The following BICDL1 variants were observed in gnomAD, a reference collection of about 807,000 sequenced individuals.
BICDL1 encodes the protein BICD family like cargo adaptor 1, also known as BICD family-like cargo adapter 1.
A neutral mutation model predicts 76.8 loss-of-function variants in BICDL1; 20 were observed. The ratio of observed to expected loss-of-function variants is 0.26; its 90% confidence interval spans 0.18 to 0.38. The LOEUF (loss-of-function observed/expected upper bound fraction) is 0.38. BICDL1 is among the 10% of genes least tolerant of loss of function. The pLI is 1.00. For missense variants in BICDL1, 700 were observed against 798.6 expected (o/e 0.88, Z 1.49); for synonymous variants, 383 against 337.1 (o/e 1.14, Z -1.49).
At chr12:120,090,758 T>G in intron 9 of BICDL1, 3 of 542,140 alleles carry the variant, frequency 5.5e-6, no homozygotes, top group Non-Finnish European at 9.2e-6. Flanking sequence ...GGCAGGTTGT[T>G]GGTGACCATT....
chr12:120,039,637 CAAAAAAAAAAAA>C (rs58284420), intron 2 of BICDL1, among the ~76,000 whole-genome samples: 2 of 54,760 alleles, frequency 3.7e-5, no homozygotes, highest in African/African-American at 7.0e-5. Flanking sequence ...GACTCCGTCT[CAAAAAAAAAAAA>C]AAAAAAAAAA....
intron 3 of BICDL1, among the ~76,000 whole-genome samples, chr12:120,063,462 C>T (rs916544640): frequency 6.6e-6 from 1 of 151,994 alleles, no homozygotes; most frequent in African/African-American, 2.4e-5. Context: ...GATCTGTGCC[C>T]TGTGAGCAGA....
At chr12:120,074,114 C>T (rs1873329963) in intron 6 of BICDL1, among the ~76,000 whole-genome samples, 2 of 151,972 alleles carry the variant, frequency 1.3e-5, no homozygotes, top group Admixed American at 6.6e-5. Context: ...AGGGTTTCAC[C>T]GTGTTAGCCA....
chr12:120,012,754 A>AT (rs1042136248), intron 2 of BICDL1, among the ~76,000 whole-genome samples: 6 of 151,836 alleles, frequency 4.0e-5, no homozygotes, highest in Admixed American at 1.3e-4. Context: ...TCCATTATGT[A>AT]TTTTTTTTCT....
chr12:120,012,025 G>A (rs1337930296), intron 2 of BICDL1, among the ~76,000 whole-genome samples: 1 of 152,220 alleles, frequency 6.6e-6, no homozygotes, highest in Non-Finnish European at 1.5e-5. Context: ...AAGAAAATTA[G>A]TAGAGAGATA....
intron 2 of BICDL1, among the ~76,000 whole-genome samples, chr12:120,030,832 C>G (rs1952406713): frequency 6.6e-6 from 1 of 152,152 alleles, no homozygotes; most frequent in African/African-American, 2.4e-5. Context: ...TTGCTACTTT[C>G]AACAGTAACT....
chr12:120,025,259 C>T (rs773691026), intron 2 of BICDL1, among the ~76,000 whole-genome samples: 1 of 151,750 alleles, frequency 6.6e-6, no homozygotes, highest in Non-Finnish European at 1.5e-5. Context: ...ACCGTGTTAG[C>T]CAGGATGGTC....
At chr12:120,013,466 G>GTGTGTT in intron 2 of BICDL1, among the ~76,000 whole-genome samples, 1 of 151,094 alleles carries the variant, frequency 6.6e-6, no homozygotes, top group East Asian at 1.9e-4. Flanking sequence ...GTGTGTGTGT[G>GTGTGTT]TGTGTGTGTG....
chr12:120,055,755 AT>A (rs1282292233), intron 2 of BICDL1, among the ~76,000 whole-genome samples: 1 of 152,246 alleles, frequency 6.6e-6, no homozygotes, highest in Non-Finnish European at 1.5e-5. Flanking sequence ...GTATCTAAAG[AT>A]TAAAACATTG....
At chr12:120,029,039 G>A (rs1402306354) in intron 2 of BICDL1, among the ~76,000 whole-genome samples, 3 of 152,168 alleles carry the variant, frequency 2.0e-5, no homozygotes, top group African/African-American at 7.2e-5. Context: ...TCATTGAGGT[G>A]GTGGTGATCC....
At chr12:120,068,541 C>T (rs1005453748) in intron 4 of BICDL1, among the ~76,000 whole-genome samples, 4 of 152,204 alleles carry the variant, frequency 2.6e-5, no homozygotes, top group Non-Finnish European at 5.9e-5. Context: ...TTAGGCCGGG[C>T]GTGGTGGCTT....
intron 2 of BICDL1, among the ~76,000 whole-genome samples, chr12:120,006,594 T>G (rs1200604321): frequency 6.6e-6 from 1 of 152,164 alleles, no homozygotes; most frequent in Non-Finnish European, 1.5e-5. Context: ...GATAGGATTC[T>G]CAGGAAGGAA....
At chr12:120,078,009 T>A (rs1443361849) in intron 7 of BICDL1, among the ~76,000 whole-genome samples, 1 of 152,174 alleles carries the variant, frequency 6.6e-6, no homozygotes, top group Non-Finnish European at 1.5e-5. Context: ...GAACATAGGA[T>A]ACAAAGGGCA....
At chr12:120,070,783 GT>G (rs1366091279) in intron 4 of BICDL1, among the ~76,000 whole-genome samples, 3 of 150,962 alleles carry the variant, frequency 2.0e-5, no homozygotes, top group African/African-American at 7.3e-5. Context: ...CCAGGCTGGA[GT>G]GCAATGGCGC....
At position 120,064,781 on chromosome 12, in the gene BICDL1, G is replaced by A. The variant is rs757642599; in HGVS notation, c.811G>A (p.Ala271Thr). 9.9e-6 allele frequency: 16 copies of A among 1,613,580 alleles called. No homozygotes were observed. The highest frequency in any genetic ancestry group is 4.5e-5 in the East Asian group (2 of 44,824). Residue 271 changes from alanine to threonine, a missense_variant, in exon 4 of 10, where the codon GCT (alanine) becomes ACT (threonine). By Grantham distance (58) the Ala-to-Thr change is moderately conservative. Transcript: ENST00000548673. ...ACGGGAGCTGGAGCATCGTCTCAGCGCTACTTTAGAGGAAAATGACCTGCT... is the reference window on the plus strand; with the variant it reads ...ACGGGAGCTGGAGCATCGTCTCAGCACTACTTTAGAGGAAAATGACCTGCT... ...RKRELEHRLS[A>T]TLEENDLLQG...
chr12:120,086,912 C>A (rs115527726), intron 8 of BICDL1, among the ~76,000 whole-genome samples: 2,047 of 152,336 alleles, frequency 0.013, 43 homozygotes, highest in East Asian at 0.047. Flanking sequence ...GATTGGAGGT[C>A]GTCCAGGCAG....
rs563226744 is a variant in BICDL1 at position 120,010,784 on chromosome 12, C to A, written c.645+12048C>A. Among the ~76,000 whole-genome samples the A allele has an allele frequency of 2.0e-5, 3 of 152,236 alleles. No homozygotes were observed. In the East Asian group the frequency reaches 5.8e-4, roughly 29 times the overall value. ...AGAAAAATGATGTGCAGTCACTAAT[C>A]TATGACTAGTTAAGGAAGCAGAGCC... On this transcript the variant is annotated intron_variant, in intron 2 of 9. Transcript: ENST00000548673.
At chr12:120,045,429 A>G (rs1952727772) in intron 2 of BICDL1, among the ~76,000 whole-genome samples, 1 of 152,174 alleles carries the variant, frequency 6.6e-6, no homozygotes. Context: ...GTATATACCC[A>G]AAGGACTATA....
At chr12:120,018,717 C>T (rs1009390277) in intron 2 of BICDL1, among the ~76,000 whole-genome samples, 6 of 151,752 alleles carry the variant, frequency 4.0e-5, no homozygotes, top group African/African-American at 1.5e-4. Context: ...ATACTATATA[C>T]CTTATGGGGT....
Sources: allele counts gnomAD v4.1 joint callset (sites outside exome capture counted in the v4.1 genomes callset), GRCh38; gene constraint gnomAD v4.1.1; transcripts MANE v1.5; gene names NCBI Gene and HGNC (gene_info 2026-07-23, HGNC 2026-07-21).